The following AFG2A variants were observed in gnomAD, a reference collection of about 807,000 sequenced individuals.
The protein encoded by AFG2A is ATPase family gene 2 protein homolog A.
the AFG2A span, among the ~76,000 whole-genome samples, chr4:123,227,764 C>T: frequency 7.2e-5 from 11 of 152,052 alleles, no homozygotes; most frequent in Non-Finnish European, 1.3e-4. Context: ...CCTGGGTATC[C>T]TTGTTAACTT....
At chr4:123,294,946 T>C in the AFG2A span, among the ~76,000 whole-genome samples, 6 of 152,252 alleles carry the variant, frequency 3.9e-5, no homozygotes, top group Non-Finnish European at 8.8e-5. Flanking sequence ...AGAACCATAC[T>C]GGTTTGCAGC....
chr4:123,190,193 G>T, the AFG2A span, among the ~76,000 whole-genome samples: 1 of 152,036 alleles, frequency 6.6e-6, no homozygotes, highest in African/African-American at 2.4e-5. Flanking sequence ...AATGTGTATC[G>T]GCTTAAATAT....
the AFG2A span, among the ~76,000 whole-genome samples, chr4:122,960,943 T>C: frequency 6.6e-6 from 1 of 152,350 alleles, no homozygotes; most frequent in African/African-American, 2.4e-5. Flanking sequence ...AATTAAAATA[T>C]TGATACTGTA....
chr4:123,007,608 G>A, the AFG2A span, among the ~76,000 whole-genome samples: 2,691 of 17,888 alleles, frequency 0.15, 78 homozygotes, highest in Middle Eastern at 0.25. Flanking sequence ...GTGTGTGTGT[G>A]TATATATATA....
chr4:123,318,477 A>C, the AFG2A span: 2 of 152,212 alleles, frequency 1.3e-5, no homozygotes, highest in African/African-American at 4.8e-5. Flanking sequence ...CAATTCTTCT[A>C]TTTGAAGCTT....
At chr4:123,007,592 GTGTGTGTGTGTGTGTGTATATA>G in the AFG2A span, among the ~76,000 whole-genome samples, 267 of 27,450 alleles carry the variant, frequency 9.7e-3, 3 homozygotes, top group African/African-American at 0.033. Flanking sequence ...GTGTGTGTGT[GTGTGTGTGTGTGTGTGTATATA>G]TATATATATA....
chr4:123,276,447 C>T, the AFG2A span, among the ~76,000 whole-genome samples: 2 of 151,898 alleles, frequency 1.3e-5, no homozygotes, highest in African/African-American at 2.4e-5. Flanking sequence ...TTTACTCTGT[C>T]GATAGTTTCC....
At chr4:122,996,986 T>C in the AFG2A span, among the ~76,000 whole-genome samples, 2 of 152,190 alleles carry the variant, frequency 1.3e-5, no homozygotes, top group Non-Finnish European at 2.9e-5. Context: ...CCTGCCCACA[T>C]TGAGGGCTGA....
At chr4:123,220,634 A>AAAAC in the AFG2A span, among the ~76,000 whole-genome samples, 1 of 136,398 alleles carries the variant, frequency 7.3e-6, no homozygotes, top group Non-Finnish European at 1.5e-5. Context: ...AAAAAAAAAA[A>AAAAC]AAACCTGGAG....
chr4:123,268,406 T>C, the AFG2A span, among the ~76,000 whole-genome samples: 4 of 152,158 alleles, frequency 2.6e-5, no homozygotes, highest in African/African-American at 7.2e-5. Flanking sequence ...CATGGTAACA[T>C]CTGACTAATA....
chr4:123,007,133 GT>G, the AFG2A span, among the ~76,000 whole-genome samples: 1 of 151,874 alleles, frequency 6.6e-6, no homozygotes, highest in Non-Finnish European at 1.5e-5. Flanking sequence ...TTGAGGTGTG[GT>G]TAAGTGTTTT....
the AFG2A span, among the ~76,000 whole-genome samples, chr4:123,259,394 T>C: frequency 1.2e-3 from 184 of 152,258 alleles, 3 homozygotes; most frequent in African/African-American, 4.3e-3. Context: ...AGAGGAAGTC[T>C]GTCACCAGCT....
chr4:123,034,296 A>G, the AFG2A span, among the ~76,000 whole-genome samples: 1 of 152,100 alleles, frequency 6.6e-6, no homozygotes, highest in East Asian at 1.9e-4. Flanking sequence ...TAACTGATAA[A>G]TGACTATATA....
the AFG2A span, among the ~76,000 whole-genome samples, chr4:123,284,718 T>G: frequency 6.6e-6 from 1 of 152,186 alleles, no homozygotes; most frequent in Non-Finnish European, 1.5e-5. Context: ...ATGTCTATTA[T>G]GTTATAGTTG....
chr4:123,026,815 A>G, the AFG2A span, among the ~76,000 whole-genome samples: 12 of 152,322 alleles, frequency 7.9e-5, no homozygotes, highest in Admixed American at 5.2e-4. Context: ...ATATAGATTG[A>G]TTAGTCATCA....
chr4:122,926,108 T>G, the AFG2A span, among the ~76,000 whole-genome samples: 3 of 152,188 alleles, frequency 2.0e-5, no homozygotes, highest in African/African-American at 7.2e-5. Context: ...GGTGATGTTT[T>G]GGAAAATGAG....
At chr4:123,234,655 G>A in the AFG2A span, among the ~76,000 whole-genome samples, 1 of 152,092 alleles carries the variant, frequency 6.6e-6, no homozygotes, top group East Asian at 1.9e-4. Context: ...TGAAGAAAAA[G>A]TATTTTCATT....
At chr4:122,964,320 A>G in the AFG2A span, among the ~76,000 whole-genome samples, 2 of 152,146 alleles carry the variant, frequency 1.3e-5, no homozygotes, top group Non-Finnish European at 2.9e-5. Flanking sequence ...TGTGGCCAAC[A>G]TGGTGAAACC....
chr4:123,097,798 GAT>G, the AFG2A span, among the ~76,000 whole-genome samples: 1 of 152,280 alleles, frequency 6.6e-6, no homozygotes, highest in Non-Finnish European at 1.5e-5. Context: ...ATGTTCATAA[GAT>G]AAAGACGCTT....
Sources: allele counts gnomAD v4.1 joint callset (sites outside exome capture counted in the v4.1 genomes callset), GRCh38; gene constraint gnomAD v4.1.1; transcripts MANE v1.5; gene names NCBI Gene and HGNC (gene_info 2026-07-23, HGNC 2026-07-21).